The following SLC30A9 variants were observed in gnomAD, a reference collection of about 807,000 sequenced individuals.
SLC30A9 encodes the protein solute carrier family 30 member 9, also known as proton-coupled zinc antiporter SLC30A9, mitochondrial.
A neutral mutation model predicts 87.5 loss-of-function variants in SLC30A9; 58 were observed. That is an observed-to-expected ratio of 0.66 (90% CI 0.54 to 0.82). The LOEUF is 0.82. SLC30A9 is among the 40% of genes least tolerant of loss of function. The pLI, the probability that SLC30A9 is intolerant of heterozygous loss-of-function variation, is 0.00. For missense variants in SLC30A9, 557 were observed against 679.1 expected (o/e 0.82, Z 2.00); for synonymous variants, 234 against 233.0 (o/e 1.00, Z -0.04).
intron 2 of SLC30A9, among the ~76,000 whole-genome samples, chr4:42,010,701 C>T (rs1302672193): frequency 6.6e-6 from 1 of 152,128 alleles, no homozygotes; most frequent in Non-Finnish European, 1.5e-5. Context: ...GGCAGAACTT[C>T]TGATCACAGT....
In SLC30A9 at chr4:42,002,274, T is replaced by C. The variant is rs140519803; in HGVS notation, c.274+494T>C. On this transcript the variant is annotated intron_variant, in intron 2 of 17. Transcript: ENST00000264451. ...AGTCATTATTTTTTGTTTTGTTTTATAACTTCAACTTTTGTTTAGATTCAG... is the reference window on the plus strand; with the variant it reads ...AGTCATTATTTTTTGTTTTGTTTTACAACTTCAACTTTTGTTTAGATTCAG... Among the ~76,000 whole-genome samples the C allele has an allele frequency of 1.3e-4, 20 of 152,222 alleles. 1 individual carries two copies. The South Asian group carries it at 2.3e-3, about 17-fold the overall frequency.
chr4:41,996,168 A>C (rs747495670), intron 1 of SLC30A9, among the ~76,000 whole-genome samples: 5 of 151,546 alleles, frequency 3.3e-5, no homozygotes, highest in Admixed American at 6.6e-5. Context: ...GGATCTCGGC[A>C]GACTGCACCC....
chr4:42,004,716 G>T (rs77294129), intron 2 of SLC30A9, among the ~76,000 whole-genome samples: 140 of 142,320 alleles, frequency 9.8e-4, no homozygotes, highest in African/African-American at 2.6e-3. Flanking sequence ...CTAGAATGCA[G>T]TGGTGTGATC....
At chr4:42,035,115 T>G (rs1185177555) in intron 6 of SLC30A9, among the ~76,000 whole-genome samples, 160 bp from the exon 7 acceptor site, 1 of 152,218 alleles carries the variant, frequency 6.6e-6, no homozygotes, top group East Asian at 1.9e-4. Flanking sequence ...CCTCTCCCCA[T>G]TTTTTAATCA....
intron 2 of SLC30A9, among the ~76,000 whole-genome samples, chr4:42,006,484 C>T (rs917142442): frequency 6.6e-6 from 1 of 151,802 alleles, no homozygotes; most frequent in Non-Finnish European, 1.5e-5. Flanking sequence ...CCCAGGAGTT[C>T]GAGACCAGCC....
At chr4:42,085,455 G>C (rs765049973) in intron 17 of SLC30A9, among the ~76,000 whole-genome samples, 2 of 152,224 alleles carry the variant, frequency 1.3e-5, no homozygotes, top group Non-Finnish European at 2.9e-5. Flanking sequence ...GATGGAAATA[G>C]TAATTAGGTT....
chr4:42,060,385 A>G, intron 10 of SLC30A9, 139 bp downstream of exon 10: 1 of 673,408 alleles, frequency 1.5e-6, no homozygotes, highest in East Asian at 2.5e-5. Flanking sequence ...AGTATCTAAA[A>G]TGCAGAACTT....
At chr4:42,069,241 T>G (rs1178358298) in intron 14 of SLC30A9, among the ~76,000 whole-genome samples, 1 of 152,210 alleles carries the variant, frequency 6.6e-6, no homozygotes, top group Non-Finnish European at 1.5e-5. Context: ...TAGAAACCAA[T>G]CAAATCAAAT....
At chr4:42,029,211 G>T in intron 6 of SLC30A9, 1 of 410,356 alleles carries the variant, frequency 2.4e-6, no homozygotes, top group South Asian at 2.0e-5. Flanking sequence ...CTGTTGCCAT[G>T]ACCTGCAGGA....
At chr4:42,025,782 C>G (rs1716165989) in intron 6 of SLC30A9, among the ~76,000 whole-genome samples, 1 of 152,084 alleles carries the variant, frequency 6.6e-6, no homozygotes, top group Admixed American at 6.5e-5. Flanking sequence ...TCTCCTGCCT[C>G]AGCCTCCCAA....
intron 8 of SLC30A9, among the ~76,000 whole-genome samples, chr4:42,039,674 G>T (rs1277327287): frequency 3.3e-5 from 5 of 151,918 alleles, no homozygotes; most frequent in African/African-American, 7.3e-5. Flanking sequence ...CGTTGGCCAG[G>T]ATGGTCTCAA....
chr4:42,035,499 C>CTT (rs374689755), intron 7 of SLC30A9, among the ~76,000 whole-genome samples, 166 bp downstream of exon 7: 2 of 139,494 alleles, frequency 1.4e-5, no homozygotes, highest in East Asian at 2.1e-4. Context: ...TCTGATTTTC[C>CTT]TTTTTTTTTT....
intron 8 of SLC30A9, among the ~76,000 whole-genome samples, chr4:42,048,070 C>T (rs763650636): frequency 6.6e-6 from 1 of 151,772 alleles, no homozygotes; most frequent in Non-Finnish European, 1.5e-5. Context: ...CACACTGGGG[C>T]CTATTGGGGG....
rs144894039 is a variant in SLC30A9, at chr4:42,050,235, A to G, written c.840+756A>G. Among the ~76,000 whole-genome samples the G allele has an allele frequency of 9.0e-3, 1,376 of 152,246 alleles. 22 individuals are homozygous for G. Among genetic ancestry groups the G allele is most frequent in the African/African-American group, 0.032 (1,322 of 41,552 alleles). On this transcript the variant is annotated intron_variant, in intron 9 of 17. Coordinates refer to ENST00000264451, the MANE Select transcript of SLC30A9 (RefSeq NM_006345.4). ...AATCAGATGGATTAAAACCCTTCAT[A>G]AAAGTAAGGAAAGAAGACAAGCGTT...
At chr4:42,070,328 C>G in intron 14 of SLC30A9, 198 bp from the exon 15 acceptor site, 1 of 490,942 alleles carries the variant, frequency 2.0e-6, no homozygotes, top group Non-Finnish European at 3.6e-6. Context: ...TCACATAGTA[C>G]TCTTATGAAA....
At chr4:42,008,494 A>G (rs137874521) in intron 2 of SLC30A9, among the ~76,000 whole-genome samples, 51 of 152,318 alleles carry the variant, frequency 3.3e-4, no homozygotes, top group Middle Eastern at 3.4e-3. Flanking sequence ...TCTAACCTGG[A>G]ACTAAAGATT....
At chr4:42,015,483 A>G (rs2581426) in intron 2 of SLC30A9, among the ~76,000 whole-genome samples, 92,225 of 152,068 alleles carry the variant, frequency 0.61, 33,350 homozygotes, top group East Asian at 0.95. Context: ...GTGGTGTTCC[A>G]TATCATTTAA....
At chr4:42,085,941 C>T in intron 17 of SLC30A9, 141 bp from the exon 18 acceptor site, 4 of 271,518 alleles carry the variant, frequency 1.5e-5, no homozygotes, top group South Asian at 9.0e-5. Context: ...TACTTTTTTT[C>T]TTATGCAACT....
At chr4:42,022,060 C>T (rs62302123) in intron 4 of SLC30A9, among the ~76,000 whole-genome samples, 2 of 29,888 alleles carry the variant, frequency 6.7e-5, no homozygotes, top group Admixed American at 8.2e-4. Flanking sequence ...CTCAGCCTCC[C>T]GAGTAGCTGG....
Sources: allele counts gnomAD v4.1 joint callset (sites outside exome capture counted in the v4.1 genomes callset), GRCh38; gene constraint gnomAD v4.1.1; transcripts MANE v1.5; gene names NCBI Gene and HGNC (gene_info 2026-07-23, HGNC 2026-07-21).